The following HS6ST3 variants were observed in gnomAD, a reference collection of about 807,000 sequenced individuals.
HS6ST3 encodes heparan sulfate 6-O-sulfotransferase 3, also known as heparan-sulfate 6-O-sulfotransferase 3.
HS6ST3 carries 12 observed loss-of-function variants against 36.7 expected under a neutral mutation model. That is an observed-to-expected ratio of 0.33 (90% CI 0.21 to 0.53). The LOEUF is 0.53. HS6ST3 is among the 20% of genes least tolerant of loss of function. The pLI is 0.95. For missense variants in HS6ST3, 584 were observed against 640.9 expected (o/e 0.91, Z 0.96); for synonymous variants, 240 against 257.5 (o/e 0.93, Z 0.65).
chr13:96,557,464 C>T (rs2056245367), intron 1 of HS6ST3, among the ~76,000 whole-genome samples: 1 of 152,156 alleles, frequency 6.6e-6, no homozygotes, highest in South Asian at 2.1e-4. Context: ...TGAGAAAACC[C>T]AGCAAACTCA....
intron 1 of HS6ST3, among the ~76,000 whole-genome samples, chr13:96,249,572 G>C (rs1369809998): frequency 6.6e-6 from 1 of 152,112 alleles, no homozygotes; most frequent in Non-Finnish European, 1.5e-5. Context: ...GTCAAAATTA[G>C]ATTATTTACA....
At chr13:96,139,663 G>A (rs1480004875) in intron 1 of HS6ST3, among the ~76,000 whole-genome samples, 4 of 150,998 alleles carry the variant, frequency 2.6e-5, no homozygotes, top group South Asian at 2.1e-4. Flanking sequence ...GAGATGAAGA[G>A]TAATTTTTCT....
At chr13:96,331,732 T>A (rs1331339948) in intron 1 of HS6ST3, among the ~76,000 whole-genome samples, 3 of 152,194 alleles carry the variant, frequency 2.0e-5, no homozygotes, top group Non-Finnish European at 4.4e-5. Context: ...CCCGGCTGCT[T>A]TGTTTACCTA....
chr13:96,198,163 T>C (rs7329425), intron 1 of HS6ST3, among the ~76,000 whole-genome samples: 76,056 of 152,044 alleles, frequency 0.5, 19,175 homozygotes, highest in Admixed American at 0.59. Flanking sequence ...TACATGTTAG[T>C]CCCTTTCAGC....
At chr13:96,149,322 GTTTA>G (rs1174749362) in intron 1 of HS6ST3, among the ~76,000 whole-genome samples, 1 of 152,070 alleles carries the variant, frequency 6.6e-6, no homozygotes, top group Non-Finnish European at 1.5e-5. Context: ...CAAAATGAAA[GTTTA>G]TTTTTTATTA....
At chr13:96,644,995 G>C (rs577838635) in intron 1 of HS6ST3, among the ~76,000 whole-genome samples, 1 of 151,860 alleles carries the variant, frequency 6.6e-6, no homozygotes, top group Non-Finnish European at 1.5e-5. Flanking sequence ...AATACTAACT[G>C]TTTGAATTCA....
chr13:96,153,237 G>A (rs1330155530), intron 1 of HS6ST3, among the ~76,000 whole-genome samples: 1 of 152,142 alleles, frequency 6.6e-6, no homozygotes, highest in Non-Finnish European at 1.5e-5. Context: ...TTGAATCTGT[G>A]AGCCCTCATT....
At chr13:96,540,253 TA>T (rs2056172725) in intron 1 of HS6ST3, among the ~76,000 whole-genome samples, 1 of 152,248 alleles carries the variant, frequency 6.6e-6, no homozygotes, top group African/African-American at 2.4e-5. Context: ...CACTTCCTAA[TA>T]AATGTTTTAT....
At chr13:96,359,445 C>G (rs1320511405) in intron 1 of HS6ST3, among the ~76,000 whole-genome samples, 2 of 152,142 alleles carry the variant, frequency 1.3e-5, no homozygotes, top group Non-Finnish European at 2.9e-5. Flanking sequence ...AATCAGTACA[C>G]TTTTAGAAAA....
chr13:96,396,309 G>GTTTT (rs1376327185), intron 1 of HS6ST3, among the ~76,000 whole-genome samples: 12 of 113,402 alleles, frequency 1.1e-4, no homozygotes, highest in African/African-American at 4.2e-4. Flanking sequence ...GGGAGACTCT[G>GTTTT]TTTTGTTTGT....
intron 1 of HS6ST3, among the ~76,000 whole-genome samples, chr13:96,706,717 CCA>C (rs781602381): frequency 2.6e-4 from 39 of 152,076 alleles, no homozygotes; most frequent in South Asian, 1.2e-3. Flanking sequence ...TCTGCCTCTT[CCA>C]CGTAGACATT....
rs147495356 is a variant in HS6ST3, at chr13:96,816,637, A to C, written c.708-15853A>C. On this transcript the variant is annotated intron_variant, in intron 1 of 1. Transcript: ENST00000376705. ...TCCCTGACCCCTCTTCAGGAGAGCCAGCTGTCCAGGGGAAAGGTATCACAT... is the reference window on the plus strand; with the variant it reads ...TCCCTGACCCCTCTTCAGGAGAGCCCGCTGTCCAGGGGAAAGGTATCACAT... Among the ~76,000 whole-genome samples, 378 of 152,336 alleles carry C rather than the reference A, an allele frequency of 2.5e-3. 3 individuals carry two copies. Among genetic ancestry groups the C allele is most frequent in the South Asian group, 0.011 (52 of 4,832 alleles).
chr13:96,337,006 A>G (rs564893707), intron 1 of HS6ST3, among the ~76,000 whole-genome samples: 2 of 152,272 alleles, frequency 1.3e-5, no homozygotes, highest in African/African-American at 2.4e-5. Flanking sequence ...CCCTGACATA[A>G]GTATACATCT....
intron 1 of HS6ST3, among the ~76,000 whole-genome samples, chr13:96,111,052 G>A: frequency 6.6e-6 from 1 of 151,980 alleles, no homozygotes; most frequent in Non-Finnish European, 1.5e-5. Flanking sequence ...AATATTAGAA[G>A]TACCATGGTT....
At chr13:96,569,317 A>G (rs942087188) in intron 1 of HS6ST3, among the ~76,000 whole-genome samples, 4 of 152,164 alleles carry the variant, frequency 2.6e-5, no homozygotes, top group Non-Finnish European at 5.9e-5. Context: ...GTGGGTCTTG[A>G]TATTCTCTGG....
At chr13:96,313,398 G>A (rs1038278205) in intron 1 of HS6ST3, among the ~76,000 whole-genome samples, 1 of 151,610 alleles carries the variant, frequency 6.6e-6, no homozygotes, top group Non-Finnish European at 1.5e-5. Flanking sequence ...ATGTTTAAAG[G>A]CTCCAGAGCT....
intron 1 of HS6ST3, among the ~76,000 whole-genome samples, chr13:96,625,650 T>C (rs1049953615): frequency 6.6e-6 from 1 of 152,138 alleles, no homozygotes; most frequent in Non-Finnish European, 1.5e-5. Flanking sequence ...CTTGTGTTTA[T>C]AAGCCTTTTT....
intron 1 of HS6ST3, among the ~76,000 whole-genome samples, chr13:96,216,971 T>G (rs1444554448): frequency 1.3e-5 from 2 of 152,206 alleles, no homozygotes; most frequent in Non-Finnish European, 2.9e-5. Context: ...GATTTCCCTC[T>G]GCAGAGAGAA....
intron 1 of HS6ST3, among the ~76,000 whole-genome samples, chr13:96,773,071 C>A (rs1018418375): frequency 2.6e-5 from 4 of 152,190 alleles, no homozygotes; most frequent in African/African-American, 9.7e-5. Flanking sequence ...GGTGGGGGAA[C>A]TCCCTCCCCT....
Sources: gnomAD v4.1 joint callset for allele counts (sites outside exome capture counted in the v4.1 genomes callset) on GRCh38, gnomAD v4.1.1 for gene constraint, MANE v1.5 for transcripts, NCBI Gene and HGNC (gene_info 2026-07-23, HGNC 2026-07-21) for gene names.